The following WDR6 variants were observed in gnomAD, a reference collection of about 807,000 sequenced individuals.
WDR6 encodes the protein tRNA (34-2'-O)-methyltransferase regulator WDR6.
Under a neutral mutation model 85.6 loss-of-function variants are expected in WDR6, and 58 were observed. The ratio of observed to expected loss-of-function variants is 0.68; its 90% CI spans 0.55 to 0.84. The LOEUF is 0.84. WDR6 is among the 40% of genes least tolerant of loss of function. The probability of loss-of-function intolerance (pLI) is 0.00; values close to 1 mark genes in which losing one functional copy is unlikely to be tolerated. For synonymous variants in WDR6, 569 were observed against 582.2 expected (o/e 0.98, Z 0.33); for missense variants, 1,310 against 1,476.4 (o/e 0.89, Z 1.85).
rs1319996601 is a variant in WDR6 at position 49,011,896 on chromosome 3, A to C, written c.362A>C (p.Asp121Ala). The change falls in exon 2 of 6, where the codon GAT becomes GCT. Residue 121 changes from aspartate (D) to alanine (A), a missense_variant. By Grantham distance (126) the Asp-to-Ala change is moderately radical (BLOSUM62 -2). Coordinates refer to ENST00000608424, the MANE Select transcript of WDR6 (RefSeq NM_018031.6). ...TGGAACATGTCTGACTGGATTTGGGATGCACGCTGGCTTGAGGGAAATATA... is the reference window on the plus strand; with the variant it reads ...TGGAACATGTCTGACTGGATTTGGGCTGCACGCTGGCTTGAGGGAAATATA... ...GLWNMSDWIW[D>A]ARWLEGNIAL... The C allele has an allele frequency of 6.2e-7, 1 of 1,614,186 alleles. No individual in the cohort carries two copies. The highest frequency in any genetic ancestry group is 8.5e-7 in the Non-Finnish European group (1 of 1,180,042).
At chr3:49,011,413 TG>T in intron 1 of WDR6, 1 of 1,468,036 alleles carries the variant, frequency 6.8e-7, no homozygotes, top group Admixed American at 2.3e-5. Flanking sequence ...TTTTTTCTTT[TG>T]AGACAGAGTC....
rs2093040896 is a variant in WDR6, at chr3:49,014,666, A to T, written c.2850A>T (p.Leu950=). The stretch of plus-strand genomic sequence containing the variant: ...CTTTCTGGGATCTCACCACCATGCT[A>T]GACCATGACTCCACTGTCCTGGAGC... The part of the protein sequence containing the change: ...SLAFWDLTTM[L]DHDSTVLEPP... The change falls in exon 5 of 6, where the codon CTA becomes CTT. Residue 950 remains leucine, a synonymous_variant. Transcript: ENST00000608424. The surrounding 1 kb of genome is among the most constrained non-coding windows in gnomAD (Gnocchi z 4.9). 1.2e-6 allele frequency: 2 copies of T among 1,613,618 alleles called. No homozygotes were observed. The highest frequency in any genetic ancestry group is 2.2e-5 in the East Asian group (1 of 44,878).
chr3:49,015,871 A>C lies in WDR6; in HGVS notation c.*583A>C. 6.2e-7 allele frequency: 1 copy of C among 1,614,184 alleles called. No individual in the cohort carries two copies. Among genetic ancestry groups the C allele is most frequent in the Non-Finnish European group, 8.5e-7 (1 of 1,180,048 alleles). ...GCTGAGCTGTACCAGGAACTTGCAT[A>C]TCTAGAGACAGAGACTGAGTCACTG... On this transcript the variant is annotated 3_prime_UTR_variant, in exon 6 of 6. Transcript: ENST00000608424.
rs2106697323 is a variant in WDR6, at chr3:49,012,927, C to G, written c.1393C>G (p.Leu465Val). The G allele has an allele frequency of 1.2e-6, 2 of 1,613,912 alleles. No homozygotes were observed. The highest frequency in any genetic ancestry group is 4.5e-5 in the East Asian group (2 of 44,850). ...ASGPGGVVAC[L>V]EISAAPSGKA... ...GGGCCCTGGCGGGGTAGTAGCTTGC[C>G]TAGAGATCTCAGCCGCACCCTCTGG... Residue 465 changes from leucine (L) to valine (V), a missense_variant, in exon 2 of 6, where the codon CTA becomes GTA. Coordinates refer to ENST00000608424, the MANE Select transcript of WDR6 (RefSeq NM_018031.6). The surrounding 1 kb of genome is among the most constrained non-coding windows in gnomAD (Gnocchi z 4.4).
chr3:49,008,050 C>T (rs2092994054), intron 1 of WDR6: 1 of 152,864 alleles, frequency 6.5e-6, no homozygotes, highest in South Asian at 1.9e-4. Context: ...CGGGATGAGT[C>T]TCTTCCCCCT....
At position 49,007,618 on chromosome 3, in the gene WDR6, C is replaced by A; in HGVS notation, c.100+87C>A. ...CGGTGCCACAGGGACAAAAGGGGTG[C>A]CCTGAGGAGAAGGACGGGCAGCAGG... is the stretch of plus-strand genomic sequence containing the variant. On this transcript the variant is annotated intron_variant, in intron 1 of 5. Coordinates refer to ENST00000608424, the MANE Select transcript of WDR6 (RefSeq NM_018031.6). The surrounding 1 kb of genome is among the most constrained non-coding windows in gnomAD (Gnocchi z 5.1). 6.9e-7 allele frequency: 1 copy of A among 1,441,930 alleles called. No homozygotes were observed. Among genetic ancestry groups the A allele is most frequent in the Non-Finnish European group, 9.2e-7 (1 of 1,090,716 alleles). The allele number at this position is 1,441,930 out of a possible 1,614,324, so 89.3% of individuals were successfully genotyped here. A position where few individuals can be genotyped will look rare whatever the true frequency, so the allele number is the denominator to read the frequency against.
intron 1 of WDR6, among the ~76,000 whole-genome samples, chr3:49,010,498 C>T (rs1481980480): frequency 1.3e-5 from 2 of 151,884 alleles, no homozygotes; most frequent in Non-Finnish European, 1.5e-5. Context: ...GGTGGATCAC[C>T]GCAGGTCAGG....
At chr3:49,011,484 C>G (rs757721986) in intron 1 of WDR6, 151 bp from the exon 2 acceptor site, 702 of 1,605,764 alleles carry the variant, frequency 4.4e-4, no homozygotes, top group Non-Finnish European at 4.8e-4. Flanking sequence ...CCGGCCGAGA[C>G]CAAGGATTTT....
rs150010302 is a variant in WDR6 at position 49,014,913 on chromosome 3, C to T, written c.2991C>T (p.Leu997=). The change falls in exon 6 of 6, where the codon CTC becomes CTT. Residue 997 remains leucine, a synonymous_variant. Transcript: ENST00000608424. The surrounding 1 kb of genome is among the most constrained non-coding windows in gnomAD (Gnocchi z 4.9). ...HTLPTREGHH[L]VASGSEDGSL... ...TGCCCACCCGTGAGGGCCACCATCT[C>T]GTGGCCAGTGGCAGTGAAGATGGAT... The T allele has an allele frequency of 5.0e-5, 80 of 1,614,138 alleles. No individual in the cohort carries two copies. The highest frequency in any genetic ancestry group is 6.7e-5 in the African/African-American group (5 of 75,042).
chr3:49,011,100 TC>T (rs763178235), intron 1 of WDR6: 20 of 446,810 alleles, frequency 4.5e-5, no homozygotes, highest in African/African-American at 4.1e-4. Flanking sequence ...TTTTCTTTTT[TC>T]TTTTTTTTTT....
chr3:49,015,931 T>TAAAG lies in WDR6; in HGVS notation c.*646_*649dup, dbSNP rs769784149. 30 of 1,614,000 alleles carry TAAAG rather than the reference T, an allele frequency of 1.9e-5. No individual in the cohort carries two copies. Among genetic ancestry groups the TAAAG allele is most frequent in the Admixed American group, 3.3e-5 (2 of 59,994 alleles). The stretch of plus-strand genomic sequence containing the variant: ...TTTGCTCTTGTGCCCCAGGCCAGAA[T>TAAAG]AAAGAATAGAGTGTAGAGTGTCCTG... On this transcript the variant is annotated 3_prime_UTR_variant, in exon 6 of 6. Transcript: ENST00000608424.
chr3:49,007,770 G>C lies in WDR6; in HGVS notation c.100+239G>C. 1 of 1,155,502 alleles carries C rather than the reference G, an allele frequency of 8.7e-7. No individual in the cohort carries two copies. Among genetic ancestry groups the C allele is most frequent in the South Asian group, 2.3e-5 (1 of 43,178 alleles). 71.6% of individuals were successfully genotyped at this position (1,155,502 alleles called of 1,614,324 possible). A position where few individuals can be genotyped will look rare whatever the true frequency, so the allele number is the denominator to read the frequency against. On this transcript the variant is annotated intron_variant, in intron 1 of 5. Transcript: ENST00000608424. This position sits in a 1 kb window ranked among gnomAD's most constrained non-coding sequence, Gnocchi z 5.1. ...CGGCGCTTCATAAACTTCAGCCCGC[G>C]TGGAAAGGGCGGGTGGAACCGCGGG...
chr3:49,014,599 G>A lies in WDR6; in HGVS notation c.2784-1G>A. The A allele has an allele frequency of 6.2e-7, 1 of 1,613,578 alleles. No homozygotes were observed. The highest frequency in any genetic ancestry group is 8.5e-7 in the Non-Finnish European group (1 of 1,179,950). On this transcript the variant is annotated splice_acceptor_variant, in intron 4 of 5. Transcript: ENST00000608424. LOFTEE classifies it high-confidence loss of function. This position sits in a 1 kb window ranked among gnomAD's most constrained non-coding sequence, Gnocchi z 4.9. ...CCAGGCTGTCTTTTCCTGGCTCTCAGGAGGCTCCTCCTGTGCAGCGCAGCT... is the reference window on the plus strand; with the variant it reads ...CCAGGCTGTCTTTTCCTGGCTCTCAAGAGGCTCCTCCTGTGCAGCGCAGCT...
At chr3:49,011,460 G>A (rs1293512672) in intron 1 of WDR6, 175 bp from the exon 2 acceptor site, 10 of 1,583,842 alleles carry the variant, frequency 6.3e-6, no homozygotes, top group East Asian at 2.3e-5. Flanking sequence ...GATTACAGGC[G>A]TGAGCCACCG....
intron 1 of WDR6, chr3:49,008,317 T>C (rs1322498863): frequency 1.3e-5 from 2 of 152,314 alleles, no homozygotes; most frequent in East Asian, 3.9e-4. Context: ...TGACCCATGT[T>C]GGTGCTGCTG....
rs2093019607 is a variant in WDR6, at chr3:49,012,146, A to C, written c.612A>C (p.Arg204=). ...ADNKPVAPDR[R]ISGHVGIIFS... ...ACAAACCTGTAGCACCTGACCGACG[A>C]ATCAGTGGGCATGTGGGCATCATCT... is the stretch of plus-strand genomic sequence containing the variant. The change falls in exon 2 of 6, where the codon CGA becomes CGC. Residue 204 remains arginine, a synonymous_variant. Transcript: ENST00000608424. This position sits in a 1 kb window ranked among gnomAD's most constrained non-coding sequence, Gnocchi z 4.4. The C allele has an allele frequency of 1.2e-6, 2 of 1,614,192 alleles. No homozygotes were observed. Among genetic ancestry groups the C allele is most frequent in the African/African-American group, 2.7e-5 (2 of 75,058 alleles).
chr3:49,013,077 G>C lies in WDR6; in HGVS notation c.1543G>C (p.Val515Leu). 1 of 1,611,158 alleles carries C rather than the reference G, an allele frequency of 6.2e-7. No individual in the cohort carries two copies. The highest frequency in any genetic ancestry group is 8.5e-7 in the Non-Finnish European group (1 of 1,178,168). Residue 515 changes from valine to leucine, a missense_variant, in exon 2 of 6, where the codon GTG (valine) becomes CTG (leucine). Transcript: ENST00000608424. The surrounding 1 kb of genome is among the most constrained non-coding windows in gnomAD (Gnocchi z 4.6). ...FLVCGDRRGS[V>L]LLFPSRPGLL... ...GGTGTGTGGTGACCGCCGGGGCTCT[G>C]TGCTGCTATTCCCCTCCAGACCAGG...
At position 49,015,570 on chromosome 3, in the gene WDR6, A is replaced by G. The variant is rs1048532932; in HGVS notation, c.*282A>G. 6.2e-6 allele frequency: 10 copies of G among 1,613,312 alleles called. No homozygotes were observed. The highest frequency in any genetic ancestry group is 1.3e-5 in the African/African-American group (1 of 74,850). On this transcript the variant is annotated 3_prime_UTR_variant, in exon 6 of 6. Coordinates refer to ENST00000608424, the MANE Select transcript of WDR6 (RefSeq NM_018031.6). ...GATGACTTTGTGAACATTCCCAGGT[A>G]TTGGAGCCTCTGTGGCCTTAAATGT... is the stretch of plus-strand genomic sequence containing the variant.
chr3:49,009,888 C>T (rs1157711418), intron 1 of WDR6, among the ~76,000 whole-genome samples: 2 of 151,964 alleles, frequency 1.3e-5, no homozygotes, highest in African/African-American at 4.8e-5. Context: ...CCATTATGCC[C>T]AGCTCATTTG....
Sources: gnomAD v4.1 joint callset for allele counts (sites outside exome capture counted in the v4.1 genomes callset) on GRCh38, gnomAD v4.1.1 for gene constraint, Gnocchi (gnomAD v3.1) non-coding constraint, MANE v1.5 for transcripts, NCBI Gene and HGNC (gene_info 2026-07-23, HGNC 2026-07-21) for gene names.